VPS13A: variants seen among roughly 807,000 people sequenced by gnomAD.
VPS13A encodes intermembrane lipid transfer protein VPS13A.
VPS13A carries 264 observed loss-of-function variants against 390.9 expected under a neutral mutation model. That is an observed-to-expected ratio of 0.68 (90% CI 0.61 to 0.75). VPS13A has a LOEUF of 0.75. Among genes scored for constraint, VPS13A ranks in the 30% least tolerant of loss-of-function variants. The pLI, the probability that VPS13A is intolerant of heterozygous loss-of-function variation, is 0.00. For synonymous variants in VPS13A, 1,231 were observed against 1,227.1 expected (o/e 1.00, Z -0.07); for missense variants, 3,409 against 3,733.9 (o/e 0.91, Z 2.27).
chr9:77,362,255 G>A lies in VPS13A; in HGVS notation c.8211+1614G>A, dbSNP rs148352090. On this transcript the variant is annotated intron_variant, in intron 59 of 71. Coordinates refer to ENST00000360280, the MANE Select transcript of VPS13A (RefSeq NM_033305.3). ...AAATCCAAGGTCATGAATATCTTACGTTTTACGAATTTTAAAGATCTAGCT... is the reference window on the plus strand; with the variant it reads ...AAATCCAAGGTCATGAATATCTTACATTTTACGAATTTTAAAGATCTAGCT... 7.0e-3 allele frequency among the ~76,000 whole-genome samples: 1,062 copies of A among 152,068 alleles called. 21 individuals carry two copies. The highest frequency in any genetic ancestry group is 0.026 in the Admixed American group (399 of 15,268).
At chr9:77,314,228 C>A in intron 36 of VPS13A, 109 bp downstream of exon 36, 1 of 1,225,424 alleles carries the variant, frequency 8.2e-7, no homozygotes, top group Non-Finnish European at 1.1e-6. Flanking sequence ...TAGTATCTGT[C>A]CCTCTGAGAA....
At chr9:77,332,934 A>G (rs1372615294) in intron 46 of VPS13A, among the ~76,000 whole-genome samples, 2 of 152,176 alleles carry the variant, frequency 1.3e-5, no homozygotes, top group Admixed American at 6.5e-5. Context: ...TCCGAAGACA[A>G]TCTAGCAGTT....
rs190044121 is a variant in VPS13A at position 77,217,264 on chromosome 9, C to A, written c.755-2690C>A. On this transcript the variant is annotated intron_variant, in intron 10 of 71. Transcript: ENST00000360280. ...CAGATTTCTAGGGCCTTTCCCAGACCTCCTGAATAAGAACCTCTGGAGGTG... is the reference window on the plus strand; with the variant it reads ...CAGATTTCTAGGGCCTTTCCCAGACATCCTGAATAAGAACCTCTGGAGGTG... 2.8e-4 allele frequency among the ~76,000 whole-genome samples: 42 copies of A among 152,228 alleles called. 1 individual carries two copies. The highest frequency in any genetic ancestry group is 2.6e-3 in the Admixed American group (40 of 15,294).
In VPS13A at chr9:77,209,435, C is replaced by T. The variant is rs202090510; in HGVS notation, c.398C>T (p.Pro133Leu). Residue 133 changes from proline (P) to leucine (L), a missense_variant, in exon 6 of 72, where the codon CCG becomes CTG. Pro to Leu is a moderately conservative substitution (Grantham distance 98, BLOSUM62 -3). Transcript: ENST00000360280. ...TTTGCAATTGTAGAACAACATCTGC[C>T]GGAAAAACAGGACACTTTTGCAGAA... Reference protein sequence around the residue: ...QKVVDQEQHLPEKQDTFAEKL... With the variant: ...QKVVDQEQHLLEKQDTFAEKL... 2.2e-4 allele frequency: 355 copies of T among 1,610,904 alleles called. 1 individual carries two copies. The highest frequency in any genetic ancestry group is 6.5e-4 in the Admixed American group (39 of 59,916).
intron 19 of VPS13A, among the ~76,000 whole-genome samples, chr9:77,241,051 C>CT (rs1411864241): frequency 6.6e-6 from 1 of 152,040 alleles, no homozygotes; most frequent in African/African-American, 2.4e-5. Flanking sequence ...TTTCATGAAT[C>CT]TGAGTACTGG....
In VPS13A at chr9:77,291,438, G is replaced by A. The variant is rs1051267322; in HGVS notation, c.3340-1903G>A. Among the ~76,000 whole-genome samples, 15 of 152,140 alleles carry A rather than the reference G, an allele frequency of 9.9e-5. 1 individual carries two copies. The highest frequency in any genetic ancestry group is 3.6e-4 in the African/African-American group (15 of 41,428). The stretch of plus-strand genomic sequence containing the variant: ...ATCATAGTATTTATGTCTGGAAACG[G>A]GGATGCCTCTTTTCTGCTAAGCTAT... On this transcript the variant is annotated intron_variant, in intron 31 of 71. Coordinates refer to ENST00000360280, the MANE Select transcript of VPS13A (RefSeq NM_033305.3).
At chr9:77,264,483 TGTA>T (rs1825925850) in intron 23 of VPS13A, among the ~76,000 whole-genome samples, 1 of 152,242 alleles carries the variant, frequency 6.6e-6, no homozygotes, top group Non-Finnish European at 1.5e-5. Context: ...AGCAGTGTTT[TGTA>T]GTTCTCCTTG....
intron 22 of VPS13A, 25 bp downstream of exon 22, chr9:77,252,377 A>G (rs769671775): frequency 1.9e-6 from 3 of 1,563,282 alleles, no homozygotes; most frequent in Admixed American, 1.7e-5. Context: ...TTTCATGTGA[A>G]TATGGATTTT....
chr9:77,359,637 G>T (rs1421833949), intron 58 of VPS13A, among the ~76,000 whole-genome samples: 2 of 152,036 alleles, frequency 1.3e-5, no homozygotes, highest in Non-Finnish European at 2.9e-5. Context: ...GGCCAACACG[G>T]TGAAACCCCA....
chr9:77,260,023 A>T, intron 22 of VPS13A, 63 bp from the exon 23 acceptor site: 1 of 1,067,946 alleles, frequency 9.4e-7, no homozygotes, highest in Non-Finnish European at 1.4e-6. Context: ...CAGTCTTTTT[A>T]ATTAGTGCAC....
intron 45 of VPS13A, 39 bp downstream of exon 45, chr9:77,323,266 A>G (rs1829842936): frequency 6.9e-6 from 11 of 1,605,636 alleles, no homozygotes; most frequent in Middle Eastern, 1.7e-4. Context: ...CCTGTTATGC[A>G]TATCTGTGTG....
At chr9:77,394,881 C>T (rs1179958255) in intron 68 of VPS13A, among the ~76,000 whole-genome samples, 1 of 152,216 alleles carries the variant, frequency 6.6e-6, no homozygotes, top group Non-Finnish European at 1.5e-5. Context: ...CCTCACCTCT[C>T]TCAGCCTTCA....
Position 77,214,191 on chromosome 9 carries a change from G to A in VPS13A, c.697-138G>A, listed in dbSNP as rs140670502. On this transcript the variant is annotated intron_variant, in intron 9 of 71. Transcript: ENST00000360280. ...CTCGGGAGGCTGAGGCAGGAGAATC[G>A]CATGAGTCCATGAGACAGGGGTTGC... 451 of 702,958 alleles carry A rather than the reference G, an allele frequency of 6.4e-4. 2 individuals are homozygous for A. In the East Asian group the frequency reaches 0.013, roughly 19 times the overall value. The allele number at this position is 702,958 out of a possible 1,614,324, so 43.5% of individuals were successfully genotyped here.
At position 77,295,504 on chromosome 9, in the gene VPS13A, A is replaced by G. The variant is rs41289963; in HGVS notation, c.3508-38A>G. 17,120 of 1,498,414 alleles carry G rather than the reference A, an allele frequency of 0.011. 140 individuals carry two copies. The highest frequency in any genetic ancestry group is 0.014 in the South Asian group (1,047 of 75,638). The allele number at this position is 1,498,414 out of a possible 1,614,324, so 92.8% of individuals were successfully genotyped here. On this transcript the variant is annotated intron_variant, in intron 32 of 71. Coordinates refer to ENST00000360280, the MANE Select transcript of VPS13A (RefSeq NM_033305.3). ...AATATATATTTAATAAGTCGTATTT[A>G]TTAATAACCTTAAGAATATAATTCT...
At chr9:77,411,679 A>AAAAAAAG (rs1834937141) in intron 71 of VPS13A, among the ~76,000 whole-genome samples, 2 of 147,074 alleles carry the variant, frequency 1.4e-5, no homozygotes, top group Non-Finnish European at 3.0e-5. Flanking sequence ...AAAAAAAAAA[A>AAAAAAAG]AAAAAAGGAA....
chr9:77,193,376 G>C (rs1206319827), intron 1 of VPS13A, among the ~76,000 whole-genome samples: 1 of 152,200 alleles, frequency 6.6e-6, no homozygotes, highest in African/African-American at 2.4e-5. Flanking sequence ...GCTCACACCT[G>C]TAATCCCAGC....
intron 68 of VPS13A, chr9:77,390,013 C>G (rs760773359): frequency 1.1e-6 from 1 of 900,264 alleles, no homozygotes; most frequent in African/African-American, 1.8e-5. Flanking sequence ...AGATAACTGC[C>G]GTCAGCCGAC....
chr9:77,267,894 G>A (rs1346092539), intron 23 of VPS13A, among the ~76,000 whole-genome samples: 1 of 152,222 alleles, frequency 6.6e-6, no homozygotes, highest in Non-Finnish European at 1.5e-5. Context: ...GAGGCAGTCT[G>A]GCTACAGTGG....
At chr9:77,326,527 A>T (rs73449911) in intron 45 of VPS13A, among the ~76,000 whole-genome samples, 1,929 of 151,858 alleles carry the variant, frequency 0.013, 44 homozygotes, top group African/African-American at 0.044. Flanking sequence ...CCAATCTGCT[A>T]TTGACCCCAT....
Sources: allele counts gnomAD v4.1 joint callset (sites outside exome capture counted in the v4.1 genomes callset), GRCh38; gene constraint gnomAD v4.1.1; transcripts MANE v1.5; gene names NCBI Gene and HGNC (gene_info 2026-07-23, HGNC 2026-07-21).